Variants in BTF3L4 observed in about 807,000 individuals in gnomAD.
BTF3L4 encodes the protein basic transcription factor 3 like 4.
In BTF3L4, 6 loss-of-function variants were observed where a neutral mutation model predicts 16.8. The ratio of observed to expected loss-of-function variants is 0.36; its 90% CI spans 0.20 to 0.71. BTF3L4 has a LOEUF of 0.71. Ranked by LOEUF, BTF3L4 falls within the 30% of genes least tolerant of loss-of-function variation. The probability of loss-of-function intolerance (pLI) is 0.58; values close to 1 mark genes in which losing one functional copy is unlikely to be tolerated. For missense variants in BTF3L4, 92 were observed against 186.9 expected (o/e 0.49, Z 2.96); for synonymous variants, 39 against 59.8 (o/e 0.65, Z 1.60).
intron 3 of BTF3L4, among the ~76,000 whole-genome samples, chr1:52,075,421 C>G (rs1572028335): frequency 6.7e-6 from 1 of 150,220 alleles, no homozygotes; most frequent in East Asian, 2.0e-4. Context: ...TCTCAGGAGG[C>G]TGAGGCAAGA....
rs1444904704 is a variant in BTF3L4, at chr1:52,087,500, A to C, written c.*742A>C. ...TCAGCTTTTGGTAATATTCTTCCTC[A>C]TCTTCCACCTAGCTTGAGAAGGATG... On this transcript the variant is annotated 3_prime_UTR_variant, in exon 6 of 6. Transcript: ENST00000313334. 6.6e-6 allele frequency: 1 copy of C among 152,062 alleles called. No homozygotes were observed. The highest frequency in any genetic ancestry group is 1.5e-5 in the Non-Finnish European group (1 of 67,996). 9.4% of individuals were successfully genotyped at this position (152,062 alleles called of 1,614,324 possible).
Position 52,078,138 on chromosome 1 carries a change from C to T in BTF3L4, c.169-5202C>T, listed in dbSNP as rs559070441. Among the ~76,000 whole-genome samples, 12 of 151,996 alleles carry T rather than the reference C, an allele frequency of 7.9e-5. No homozygotes were observed. In the South Asian group the frequency reaches 8.3e-4, roughly 11 times the overall value. ...GAATGCAGTGGTGTGATCACAGCCT[C>T]GACCTCCTAGGCTCAGCAATCCTCC... On this transcript the variant is annotated intron_variant, in intron 3 of 5. Coordinates refer to ENST00000313334, the MANE Select transcript of BTF3L4 (RefSeq NM_152265.5).
At chr1:52,074,147 C>A (rs926797256) in intron 3 of BTF3L4, among the ~76,000 whole-genome samples, 1 of 151,230 alleles carries the variant, frequency 6.6e-6, no homozygotes, top group Non-Finnish European at 1.5e-5. Flanking sequence ...GCCTGGGTGA[C>A]AGAGCAAGAC....
At chr1:52,075,430 G>A (rs1572028338) in intron 3 of BTF3L4, among the ~76,000 whole-genome samples, 1 of 149,948 alleles carries the variant, frequency 6.7e-6, no homozygotes, top group African/African-American at 2.4e-5. Context: ...GCTGAGGCAA[G>A]AGAATTGCTT....
intron 3 of BTF3L4, among the ~76,000 whole-genome samples, chr1:52,077,906 G>C (rs1018006153): frequency 9.9e-5 from 15 of 152,142 alleles, no homozygotes; most frequent in African/African-American, 3.4e-4. Flanking sequence ...CTGGAGGGTA[G>C]GTTGGGCTGA....
intron 3 of BTF3L4, among the ~76,000 whole-genome samples, chr1:52,080,836 C>CTTTTTTTTTTTTT (rs34697464): frequency 1.2e-5 from 1 of 83,588 alleles, no homozygotes; most frequent in Non-Finnish European, 2.3e-5. Context: ...GCTCGGCCTT[C>CTTTTTTTTTTTTT]TTTTTTTTTT....
rs1001096125 is a variant in BTF3L4 at position 52,090,600 on chromosome 1, A to C, written c.*3842A>C. 1 of 152,178 alleles carries C rather than the reference A, an allele frequency of 6.6e-6. No individual in the cohort carries two copies. Among genetic ancestry groups the C allele is most frequent in the African/African-American group, 2.4e-5 (1 of 41,436 alleles). 9.4% of individuals were successfully genotyped at this position (152,178 alleles called of 1,614,324 possible). ...TATTCATTTGCCATAGTAGAGTATT[A>C]AGATTATTTGATTTTCTTTTTACTT... On this transcript the variant is annotated 3_prime_UTR_variant, in exon 6 of 6. Coordinates refer to ENST00000313334, the MANE Select transcript of BTF3L4 (RefSeq NM_152265.5).
At position 52,072,031 on chromosome 1, in the gene BTF3L4, T is replaced by G. The variant is rs202211579; in HGVS notation, c.168+7093T>G. 1.1e-3 allele frequency among the ~76,000 whole-genome samples: 114 copies of G among 107,684 alleles called. 1 individual carries two copies. The highest frequency in any genetic ancestry group is 3.3e-3 in the East Asian group (12 of 3,632). 70.6% of individuals were successfully genotyped at this position (107,684 alleles called of 152,430 possible). A position where few individuals can be genotyped will look rare whatever the true frequency, so the allele number is the denominator to read the frequency against. On this transcript the variant is annotated intron_variant, in intron 3 of 5. Transcript: ENST00000313334. ...CCATTTTAGCCAGGGTTTTTTTTTG[T>G]TTTTTTTTTTTGGTTTTTTGTTTGT...
chr1:52,082,021 A>G (rs540213307), intron 3 of BTF3L4, among the ~76,000 whole-genome samples: 2 of 152,320 alleles, frequency 1.3e-5, no homozygotes, highest in East Asian at 1.9e-4. Flanking sequence ...TGGATGAATC[A>G]TGAAATGCTT....
intron 3 of BTF3L4, among the ~76,000 whole-genome samples, chr1:52,065,828 A>G (rs1176739402): frequency 6.6e-6 from 1 of 152,104 alleles, no homozygotes; most frequent in Non-Finnish European, 1.5e-5. Context: ...ATCTGAGGTC[A>G]GGAGTTCAAG....
In BTF3L4 at chr1:52,070,230, T is replaced by C. The variant is rs953992772; in HGVS notation, c.168+5292T>C. ...AGACTGTCTAAAAAAAAAAAAAAAC[T>C]AAAAGACTATTTGGAATAAGACAAG... On this transcript the variant is annotated intron_variant, in intron 3 of 5. Coordinates refer to ENST00000313334, the MANE Select transcript of BTF3L4 (RefSeq NM_152265.5). 2.9e-5 allele frequency among the ~76,000 whole-genome samples: 4 copies of C among 136,178 alleles called. No individual in the cohort carries two copies. In the Admixed American group the frequency reaches 3.0e-4, roughly 10 times the overall value. 89.3% of individuals were successfully genotyped at this position (136,178 alleles called of 152,430 possible).
chr1:52,065,121 A>G (rs1331335423), intron 3 of BTF3L4, 183 bp downstream of exon 3: 9 of 399,088 alleles, frequency 2.3e-5, no homozygotes, highest in Non-Finnish European at 3.1e-5. Context: ...TAATTTTAGT[A>G]GACAGTTAAG....
chr1:52,075,545 A>C (rs1431896037), intron 3 of BTF3L4, among the ~76,000 whole-genome samples: 1 of 147,158 alleles, frequency 6.8e-6, no homozygotes, highest in Admixed American at 6.8e-5. Context: ...AAAACCATAT[A>C]TATAAAATAA....
Position 52,088,323 on chromosome 1 carries a change from G to A in BTF3L4, c.*1565G>A, listed in dbSNP as rs369929802. On this transcript the variant is annotated 3_prime_UTR_variant, in exon 6 of 6. Transcript: ENST00000313334. ...ACACCTCAATTTATTTTATAAATTC[G>A]TTCATTTTTCCTGTTATGTTTTATA... The A allele has an allele frequency of 2.2e-4, 33 of 152,418 alleles. No homozygotes were observed. In the South Asian group the frequency reaches 5.2e-3, roughly 24 times the overall value. 9.4% of individuals were successfully genotyped at this position (152,418 alleles called of 1,614,324 possible). A position where few individuals can be genotyped will look rare whatever the true frequency, so the allele number is the denominator to read the frequency against.
In BTF3L4 at chr1:52,086,909, G is replaced by A. The variant is rs1424891610; in HGVS notation, c.*151G>A. On this transcript the variant is annotated 3_prime_UTR_variant, in exon 6 of 6. Transcript: ENST00000313334. ...TAATGCTGTTTGTTCAGCATTTTTC[G>A]GTCATTTGATTTTGCATTTTGCACT... is the stretch of plus-strand genomic sequence containing the variant. 10 of 442,452 alleles carry A rather than the reference G, an allele frequency of 2.3e-5. No individual in the cohort carries two copies. The highest frequency in any genetic ancestry group is 8.0e-5 in the South Asian group (1 of 12,478). 27.4% of individuals were successfully genotyped at this position (442,452 alleles called of 1,614,324 possible).
At chr1:52,069,219 C>T (rs992466749) in intron 3 of BTF3L4, among the ~76,000 whole-genome samples, 8 of 152,050 alleles carry the variant, frequency 5.3e-5, no homozygotes, top group Non-Finnish European at 8.8e-5. Flanking sequence ...ATATTTGAAC[C>T]GAAGATGGAG....
chr1:52,086,324 T>G (rs967992569), intron 5 of BTF3L4, 153 bp downstream of exon 5: 30 of 539,634 alleles, frequency 5.6e-5, no homozygotes, highest in African/African-American at 1.4e-4. Flanking sequence ...AAAAACAACG[T>G]AAGCACCCAC....
intron 3 of BTF3L4, among the ~76,000 whole-genome samples, chr1:52,076,159 CCAACT>C (rs1686926902): frequency 6.6e-6 from 1 of 152,052 alleles, no homozygotes; most frequent in South Asian, 2.1e-4. Context: ...GCCTGTAATC[CCAACT>C]ACTTGGGAGG....
intron 3 of BTF3L4, among the ~76,000 whole-genome samples, chr1:52,068,361 G>A (rs984010689): frequency 1.3e-5 from 2 of 152,154 alleles, no homozygotes; most frequent in African/African-American, 2.4e-5. Context: ...TATTCTGCAT[G>A]GCCTCTGTCT....
Sources: gnomAD v4.1 joint callset for allele counts (sites outside exome capture counted in the v4.1 genomes callset) on GRCh38, gnomAD v4.1.1 for gene constraint, MANE v1.5 for transcripts, NCBI Gene and HGNC (gene_info 2026-07-23, HGNC 2026-07-21) for gene names.